SYNE2: variants seen among roughly 807,000 people sequenced by gnomAD.
The protein encoded by SYNE2 is nesprin-2.
In SYNE2, 431 loss-of-function variants were observed where a neutral mutation model predicts 856.3. The observed-to-expected ratio is 0.50, with a 90% CI of 0.47 to 0.55. The LOEUF (loss-of-function observed/expected upper bound fraction) is 0.55, where lower values mean the gene tolerates loss of function less well. Among genes scored for constraint, SYNE2 ranks in the 20% least tolerant of loss-of-function variants. The pLI, the probability that SYNE2 is intolerant of heterozygous loss-of-function variation, is 0.00. For synonymous variants in SYNE2, 2,923 were observed against 2,872.3 expected (o/e 1.02, Z -0.56); for missense variants, 8,129 against 8,023.2 (o/e 1.01, Z -0.50).
At chr14:63,922,224 C>T (rs186205489) in intron 2 of SYNE2, among the ~76,000 whole-genome samples, 26 of 152,216 alleles carry the variant, frequency 1.7e-4, no homozygotes, top group Admixed American at 1.4e-3. Flanking sequence ...AGGCTGGTAT[C>T]GAACTCCTGG....
At position 64,210,155 on chromosome 14, in the gene SYNE2, G is replaced by A. The variant is rs772186116; in HGVS notation, c.18723+31G>A. On this transcript the variant is annotated intron_variant, in intron 103 of 115. Transcript: ENST00000555002. ...CTCCTCTGCACCTGGCTCGGGTGTA[G>A]ATTTTCCAGGAGACATAACGCACGA... 3 of 1,609,856 alleles carry A rather than the reference G, an allele frequency of 1.9e-6. No individual in the cohort carries two copies. In the African/African-American group the frequency reaches 4.0e-5, roughly 21 times the overall value.
At chr14:63,776,838 T>C (rs561221197) in intron 1 of SYNE2, among the ~76,000 whole-genome samples, 22 of 152,264 alleles carry the variant, frequency 1.4e-4, no homozygotes, top group African/African-American at 5.3e-4. Context: ...TGACCTCAAG[T>C]GATCCGCCCA....
chr14:64,161,346 A>G (rs538526548), intron 87 of SYNE2, among the ~76,000 whole-genome samples: 25 of 144,690 alleles, frequency 1.7e-4, no homozygotes, highest in Middle Eastern at 3.6e-3. Context: ...CCTGTTTCAG[A>G]AAAAAAAAAA....
At chr14:64,170,082 T>G (rs1023856202) in intron 93 of SYNE2, 146 bp from the exon 94 acceptor site, 2 of 772,080 alleles carry the variant, frequency 2.6e-6, no homozygotes, top group Non-Finnish European at 4.4e-6. Context: ...ATGTTTAAAT[T>G]GAATAGCACT....
chr14:63,867,261 G>C (rs1279280741), intron 1 of SYNE2, among the ~76,000 whole-genome samples: 1 of 151,874 alleles, frequency 6.6e-6, no homozygotes, highest in East Asian at 1.9e-4. Flanking sequence ...CAGAAACTTA[G>C]CACAGCACAT....
intron 54 of SYNE2, among the ~76,000 whole-genome samples, chr14:64,077,489 T>TC (rs2097473722): frequency 6.6e-6 from 1 of 152,048 alleles, no homozygotes; most frequent in Non-Finnish European, 1.5e-5. Flanking sequence ...TGGGACTCAA[T>TC]CTAGGGACTT....
intron 84 of SYNE2, among the ~76,000 whole-genome samples, chr14:64,150,135 G>A (rs1209032236): frequency 1.4e-5 from 2 of 148,104 alleles, no homozygotes; most frequent in African/African-American, 2.5e-5. Flanking sequence ...CTCTGGGCGC[G>A]GTGGCTCAAA....
In SYNE2 at chr14:64,126,486, C is replaced by A. The variant is rs761331493; in HGVS notation, c.13707+7C>A. 1 of 1,614,002 alleles carries A rather than the reference C, an allele frequency of 6.2e-7. No homozygotes were observed. The highest frequency in any genetic ancestry group is 1.3e-5 in the African/African-American group (1 of 74,922). On this transcript the variant is annotated splice_region_variant and intron_variant, in intron 72 of 115. Coordinates refer to ENST00000555002, the MANE Select transcript of SYNE2 (RefSeq NM_182914.3). ...CCAGCAGGTGCACTACGAGGTAGGG[C>A]ACTTCTCACGAGCCCATGTGTTGGC...
At chr14:64,180,993 T>C (rs1046504449) in intron 96 of SYNE2, among the ~76,000 whole-genome samples, 3 of 152,248 alleles carry the variant, frequency 2.0e-5, no homozygotes, top group African/African-American at 7.2e-5. Flanking sequence ...TAAACTCTTA[T>C]GTTAATTCCA....
rs567182673 is a variant in SYNE2, at chr14:63,885,844, G to C, written c.-51-23254G>C. On this transcript the variant is annotated intron_variant, in intron 1 of 115. Coordinates refer to ENST00000555002, the MANE Select transcript of SYNE2 (RefSeq NM_182914.3). Reference sequence around the variant, plus strand: ...TTTATTGACTACTCGCTGTGTGCCAGGTTTTCGGTTAGGTACCAGGGTCAT... The same window carrying C: ...TTTATTGACTACTCGCTGTGTGCCACGTTTTCGGTTAGGTACCAGGGTCAT... 2.6e-5 allele frequency among the ~76,000 whole-genome samples: 4 copies of C among 152,344 alleles called. No individual in the cohort carries two copies. The South Asian group carries it at 8.3e-4, about 32-fold the overall frequency.
intron 45 of SYNE2, among the ~76,000 whole-genome samples, chr14:64,042,757 C>G (rs923762402): frequency 2.9e-4 from 20 of 69,944 alleles, no homozygotes; most frequent in African/African-American, 6.3e-4. Context: ...TCCATTAAAC[C>G]TCTTTCTTTT....
intron 85 of SYNE2, 123 bp downstream of exon 85, chr14:64,152,839 G>T (rs2098255023): frequency 7.8e-7 from 1 of 1,275,782 alleles, no homozygotes; most frequent in Non-Finnish European, 1.1e-6. Flanking sequence ...AAAAGTTGCT[G>T]AGAAAAATTG....
chr14:64,045,592 GGATCTTTCCCCTGT>G (rs1269278266), intron 45 of SYNE2, among the ~76,000 whole-genome samples: 8 of 152,244 alleles, frequency 5.3e-5, no homozygotes, highest in South Asian at 4.1e-4. Context: ...CAGCCTTCCT[GGATCTTTCCCCTGT>G]GAGATGCTGC....
At chr14:63,876,562 A>G (rs2094725073) in intron 1 of SYNE2, among the ~76,000 whole-genome samples, 1 of 150,002 alleles carries the variant, frequency 6.7e-6, no homozygotes, top group African/African-American at 2.5e-5. Flanking sequence ...ATTTCCGCTC[A>G]CTGCAAGCTC....
intron 1 of SYNE2, among the ~76,000 whole-genome samples, chr14:63,891,922 A>G (rs1374886077): frequency 2.0e-5 from 3 of 152,198 alleles, no homozygotes; most frequent in Non-Finnish European, 4.4e-5. Flanking sequence ...TTGTAATAAT[A>G]AATTAATTTC....
intron 110 of SYNE2, 148 bp downstream of exon 110, chr14:64,219,558 A>G (rs528840156): frequency 3.7e-6 from 3 of 817,512 alleles, no homozygotes; most frequent in East Asian, 2.7e-5. Context: ...TTTCAGTTCC[A>G]TAGTTGGCAA....
intron 1 of SYNE2, among the ~76,000 whole-genome samples, chr14:63,809,494 AG>A (rs1888529184): frequency 6.6e-6 from 1 of 152,136 alleles, no homozygotes; most frequent in Non-Finnish European, 1.5e-5. Context: ...GTTTGTTTAA[AG>A]AGACAGGGCC....
rs2096718763 is a variant in SYNE2, at chr14:63,996,980, C to T, written c.2974C>T (p.Leu992Phe). ...CFSEEGCLYQ[L>F]NHHMEVLREL... is the part of the protein sequence containing the mutation. ...TTCTGAGGAAGGCTGCCTGTACCAG[C>T]TTAATCACCACATGGAAGTCCTGAG... Residue 992 changes from leucine to phenylalanine, a missense_variant, in exon 24 of 116, where the codon CTT becomes TTT. Leu to Phe is a conservative substitution (Grantham distance 22, BLOSUM62 0). Coordinates refer to ENST00000555002, the MANE Select transcript of SYNE2 (RefSeq NM_182914.3). The T allele has an allele frequency of 3.1e-6, 5 of 1,614,020 alleles. No individual in the cohort carries two copies. The highest frequency in any genetic ancestry group is 4.2e-6 in the Non-Finnish European group (5 of 1,180,022).
chr14:63,837,250 G>C (rs1889888518), intron 1 of SYNE2, among the ~76,000 whole-genome samples: 1 of 152,138 alleles, frequency 6.6e-6, no homozygotes, highest in African/African-American at 2.4e-5. Context: ...AGATGCAAAA[G>C]ACTGAAGCTG....
Sources: gnomAD v4.1 joint callset for allele counts (sites outside exome capture counted in the v4.1 genomes callset) on GRCh38, gnomAD v4.1.1 for gene constraint, MANE v1.5 for transcripts, NCBI Gene and HGNC (gene_info 2026-07-23, HGNC 2026-07-21) for gene names.